The following TENT4B variants were observed in gnomAD, a reference collection of about 807,000 sequenced individuals.
TENT4B encodes PAP associated domain containing 5.
Under a neutral mutation model 75.0 loss-of-function variants are expected in TENT4B, and 10 were observed. That is an observed-to-expected ratio of 0.13 (90% CI 0.08 to 0.23). The LOEUF (loss-of-function observed/expected upper bound fraction) is 0.23. TENT4B is among the 10% of genes least tolerant of loss of function. The pLI is 1.00. For missense variants in TENT4B, 579 were observed against 893.8 expected (o/e 0.65, Z 4.49); for synonymous variants, 350 against 357.7 (o/e 0.98, Z 0.24).
At chr16:50,159,771 CT>C (rs1318023015) in intron 1 of TENT4B, among the ~76,000 whole-genome samples, 4 of 152,148 alleles carry the variant, frequency 2.6e-5, no homozygotes, top group African/African-American at 9.7e-5. Flanking sequence ...CTGACATGCG[CT>C]TTTAAGAAGA....
chr16:50,167,751 C>T (rs773339591), intron 1 of TENT4B, among the ~76,000 whole-genome samples: 9 of 151,242 alleles, frequency 6.0e-5, no homozygotes, highest in Non-Finnish European at 1.2e-4. Context: ...TCTGCCTCCT[C>T]GGTTCAAGCA....
intron 1 of TENT4B, among the ~76,000 whole-genome samples, chr16:50,200,229 G>A (rs2030546736): frequency 6.6e-6 from 1 of 151,852 alleles, no homozygotes; most frequent in Non-Finnish European, 1.5e-5. Context: ...AGCTGGGCGT[G>A]GTCTTATGTG....
chr16:50,165,479 G>GTT lies in TENT4B; in HGVS notation c.638+11221_638+11222dup, dbSNP rs2038082540. Among the ~76,000 whole-genome samples, 7 of 101,120 alleles carry GTT rather than the reference G, an allele frequency of 6.9e-5. No homozygotes were observed. The Admixed American group carries it at 7.4e-4, about 11-fold the overall frequency. The allele number at this position is 101,120 out of a possible 152,430, so 66.3% of individuals were successfully genotyped here. A position where few individuals can be genotyped will look rare whatever the true frequency, so the allele number is the denominator to read the frequency against. ...AAATTTAACCCTTTTAAAGTGTACA[G>GTT]TTCAGTGGTTTTCATATATTAGAAG... On this transcript the variant is annotated intron_variant, in intron 1 of 11. Transcript: ENST00000561678.
intron 1 of TENT4B, among the ~76,000 whole-genome samples, chr16:50,191,905 G>A (rs549324064): frequency 2.0e-5 from 3 of 151,340 alleles, no homozygotes; most frequent in South Asian, 4.2e-4. Flanking sequence ...GGCAACAAGA[G>A]CAAAACTCCA....
At chr16:50,154,689 A>G (rs537748125) in intron 1 of TENT4B, among the ~76,000 whole-genome samples, 1 of 152,136 alleles carries the variant, frequency 6.6e-6, no homozygotes, top group East Asian at 1.9e-4. Context: ...ATTCCCTGAG[A>G]ACATTGGTGT....
chr16:50,223,454 T>A, intron 7 of TENT4B, 67 bp downstream of exon 7: 1 of 1,033,312 alleles, frequency 9.7e-7, no homozygotes, highest in East Asian at 2.6e-5. Flanking sequence ...TATTATACTT[T>A]AAATTCTCTT....
chr16:50,205,353 A>G (rs942171405), intron 1 of TENT4B, among the ~76,000 whole-genome samples: 3 of 152,074 alleles, frequency 2.0e-5, no homozygotes, highest in African/African-American at 7.2e-5. Context: ...GGACAAATAC[A>G]TGCTGATTTT....
chr16:50,209,229 C>T (rs11640179), intron 1 of TENT4B, among the ~76,000 whole-genome samples: 17 of 152,244 alleles, frequency 1.1e-4, no homozygotes, highest in Admixed American at 7.2e-4. Context: ...AAATAAACTC[C>T]GATCACTCAC....
rs2032228003 is a variant in TENT4B at position 50,230,007 on chromosome 16, A to G, written c.*679A>G. ...GGGAAGTGATTAGTTCTATTACTCA[A>G]TTTGTTTTTCTCAGCATTGAAATGA... On this transcript the variant is annotated 3_prime_UTR_variant, in exon 12 of 12. Coordinates refer to ENST00000561678, the MANE Select transcript of TENT4B (RefSeq NM_001365324.3). The G allele has an allele frequency of 5.1e-6, 5 of 981,818 alleles. No individual in the cohort carries two copies. The South Asian group carries it at 1.9e-4, about 37-fold the overall frequency. 60.8% of individuals were successfully genotyped at this position (981,818 alleles called of 1,614,324 possible). A position where few individuals can be genotyped will look rare whatever the true frequency, so the allele number is the denominator to read the frequency against.
At chr16:50,226,872 A>T (rs2032081305) in intron 10 of TENT4B, among the ~76,000 whole-genome samples, 1 of 152,214 alleles carries the variant, frequency 6.6e-6, no homozygotes, top group African/African-American at 2.4e-5. Context: ...ATTTAGCAGT[A>T]GTTTCTTCTA....
chr16:50,224,641 T>C lies in TENT4B; in HGVS notation c.1382-16T>C. ...GCACAGTCAGGCTTACTATGTTACG[T>C]ATATTTCTTTTAAAGGTAACGATGT... On this transcript the variant is annotated splice_polypyrimidine_tract_variant and intron_variant, in intron 7 of 11. Coordinates refer to ENST00000561678, the MANE Select transcript of TENT4B (RefSeq NM_001365324.3). 2 of 1,613,746 alleles carry C rather than the reference T, an allele frequency of 1.2e-6. No homozygotes were observed. Among genetic ancestry groups the C allele is most frequent in the Non-Finnish European group, 1.7e-6 (2 of 1,179,828 alleles).
Position 50,216,829 on chromosome 16 carries a change from AT to A in TENT4B, c.930+643del, listed in dbSNP as rs397965459. ...CTACCACGCCCTGCTTATTTAAAAAATTTTTTTTTGTAGAGATAGGGTCTCC... is the reference window on the plus strand; with the variant it reads ...CTACCACGCCCTGCTTATTTAAAAAATTTTTTTTGTAGAGATAGGGTCTCC... On this transcript the variant is annotated intron_variant, in intron 4 of 11. Transcript: ENST00000561678. 1.3e-5 allele frequency among the ~76,000 whole-genome samples: 2 copies of A among 151,154 alleles called. 1 individual carries two copies. The highest frequency in any genetic ancestry group is 1.3e-4 in the Admixed American group (2 of 15,144).
At chr16:50,180,167 G>A (rs550836170) in intron 1 of TENT4B, among the ~76,000 whole-genome samples, 15 of 151,444 alleles carry the variant, frequency 9.9e-5, no homozygotes, top group East Asian at 1.9e-4. Flanking sequence ...GCAATGGTGC[G>A]ATCTCAGCTT....
chr16:50,197,435 T>C (rs1288012520), intron 1 of TENT4B, among the ~76,000 whole-genome samples: 1 of 152,130 alleles, frequency 6.6e-6, no homozygotes, highest in Non-Finnish European at 1.5e-5. Flanking sequence ...ACTACAGGTG[T>C]GCACCACCAC....
At chr16:50,156,174 T>C (rs1453695680) in intron 1 of TENT4B, among the ~76,000 whole-genome samples, 1 of 152,140 alleles carries the variant, frequency 6.6e-6, no homozygotes, top group Non-Finnish European at 1.5e-5. Context: ...TCACCAGATT[T>C]TCCATTCTTT....
At position 50,233,539 on chromosome 16, in the gene TENT4B, A is replaced by G. The variant is rs1315446238; in HGVS notation, c.*4211A>G. Reference sequence around the variant, plus strand: ...GTCAAAGATAATGAGCTAAATATATATAGACGTTGAATGTTGACAAAATTA... The same window carrying G: ...GTCAAAGATAATGAGCTAAATATATGTAGACGTTGAATGTTGACAAAATTA... On this transcript the variant is annotated 3_prime_UTR_variant, in exon 12 of 12. Transcript: ENST00000561678. The G allele has an allele frequency of 3.0e-6, 3 of 985,168 alleles. No individual in the cohort carries two copies. The East Asian group carries it at 3.4e-4, about 112-fold the overall frequency. The allele number at this position is 985,168 out of a possible 1,614,324, so 61.0% of individuals were successfully genotyped here.
intron 1 of TENT4B, among the ~76,000 whole-genome samples, chr16:50,182,993 A>G (rs2038450632): frequency 1.5e-5 from 2 of 134,892 alleles, no homozygotes; most frequent in Non-Finnish European, 3.1e-5. Context: ...AGCTGGGATT[A>G]TAGGTGTGCA....
chr16:50,161,774 A>G (rs1352821179), intron 1 of TENT4B, among the ~76,000 whole-genome samples: 1 of 152,246 alleles, frequency 6.6e-6, no homozygotes. Context: ...GTCAAGAACC[A>G]GGAAATTGTC....
At chr16:50,184,751 G>A (rs2038492708) in intron 1 of TENT4B, among the ~76,000 whole-genome samples, 1 of 152,014 alleles carries the variant, frequency 6.6e-6, no homozygotes, top group East Asian at 1.9e-4. Flanking sequence ...TGGGGGGAGC[G>A]GAGGGCACAG....
Sources: gnomAD v4.1 joint callset for allele counts (sites outside exome capture counted in the v4.1 genomes callset) on GRCh38, gnomAD v4.1.1 for gene constraint, MANE v1.5 for transcripts, NCBI Gene and HGNC (gene_info 2026-07-23, HGNC 2026-07-21) for gene names.